Variants in ANKRD44 observed in about 807,000 individuals in gnomAD.
ANKRD44 encodes serine/threonine-protein phosphatase 6 regulatory ankyrin repeat subunit B.
ANKRD44 carries 35 observed loss-of-function variants against 116.0 expected under a neutral mutation model. That is an observed-to-expected ratio of 0.30 (90% CI 0.23 to 0.40). The LOEUF (loss-of-function observed/expected upper bound fraction) is 0.40. Among genes scored for constraint, ANKRD44 ranks in the 10% least tolerant of loss-of-function variants. The pLI is 1.00. For missense variants in ANKRD44, 1,014 were observed against 1,242.6 expected (o/e 0.82, Z 2.77); for synonymous variants, 435 against 461.8 (o/e 0.94, Z 0.74).
intron 16 of ANKRD44, among the ~76,000 whole-genome samples, chr2:197,033,402 G>C (rs2076745167): frequency 6.6e-6 from 1 of 152,160 alleles, no homozygotes; most frequent in Non-Finnish European, 1.5e-5. Context: ...AAGTTAGTAA[G>C]CATTTGCTAC....
Position 197,215,407 on chromosome 2 carries a change from G to A in ANKRD44, c.28-28301C>T, listed in dbSNP as rs1403869491. The stretch of plus-strand genomic sequence containing the variant: ...GCTTCAGAAACCAAAGGTTTTGGCC[G>A]CATGAGGTTCTCTCAGTGCAGGGGG... On this transcript the variant is annotated intron_variant, in intron 1 of 27. Transcript: ENST00000282272. 5.9e-5 allele frequency among the ~76,000 whole-genome samples: 9 copies of A among 152,256 alleles called. No individual in the cohort carries two copies. In the East Asian group the frequency reaches 1.5e-3, roughly 26 times the overall value.
intron 16 of ANKRD44, among the ~76,000 whole-genome samples, chr2:197,049,721 A>T (rs2077070385): frequency 1.3e-5 from 2 of 151,878 alleles, no homozygotes; most frequent in South Asian, 4.2e-4. Flanking sequence ...GACTGAAGTG[A>T]CCCTCCAGTC....
rs765345992 is a variant in ANKRD44, at chr2:197,013,705, T to C, written c.1730A>G (p.Asn577Ser). 4 of 1,612,556 alleles carry C rather than the reference T, an allele frequency of 2.5e-6. No homozygotes were observed. The highest frequency in any genetic ancestry group is 3.4e-6 in the Non-Finnish European group (4 of 1,180,026). ...TKSPLHLAAY[N>S]GHHQALEVLL... The stretch of plus-strand genomic sequence containing the variant: ...GACTTCCAAGGCTTGATGGTGCCCA[T>C]TGTAGGCCTGCAAAGAAGAAACCAA... Residue 577 changes from asparagine to serine, a missense_variant, in exon 18 of 28, where the codon AAT (asparagine) becomes AGT (serine). Asn to Ser is a conservative substitution (Grantham distance 46). Transcript: ENST00000282272.
At chr2:197,250,904 A>G (rs1048001343) in intron 1 of ANKRD44, 2 of 152,110 alleles carry the variant, frequency 1.3e-5, no homozygotes, top group African/African-American at 4.8e-5. Flanking sequence ...TAGTTAAAGG[A>G]TGGTAAGTTA....
chr2:196,991,439 T>C (rs1441064941), intron 27 of ANKRD44, among the ~76,000 whole-genome samples: 3 of 152,208 alleles, frequency 2.0e-5, no homozygotes, highest in African/African-American at 4.8e-5. Context: ...AAGTGAGTAA[T>C]GAAGTTTTGT....
chr2:197,116,271 A>G (rs1260750529), intron 8 of ANKRD44, among the ~76,000 whole-genome samples: 1 of 152,244 alleles, frequency 6.6e-6, no homozygotes, highest in East Asian at 1.9e-4. Flanking sequence ...AATGAAGTGC[A>G]TCAGACAACT....
chr2:196,979,655 C>A (rs1441111838), intron 21 of ANKRD44, among the ~76,000 whole-genome samples: 2 of 148,582 alleles, frequency 1.3e-5, no homozygotes, highest in East Asian at 4.0e-4. Context: ...ACTCTGCCTC[C>A]CAATTCAAGT....
At chr2:197,197,473 A>G (rs1013925342) in intron 1 of ANKRD44, among the ~76,000 whole-genome samples, 1 of 152,228 alleles carries the variant, frequency 6.6e-6, no homozygotes, top group Admixed American at 6.5e-5. Flanking sequence ...ATTCAATTCA[A>G]CAAAGATGTA....
chr2:197,220,076 T>C (rs1399860145), intron 1 of ANKRD44, among the ~76,000 whole-genome samples: 4 of 152,222 alleles, frequency 2.6e-5, no homozygotes, highest in African/African-American at 2.4e-5. Context: ...GCAAATTACT[T>C]TGAAAGTAAT....
At chr2:197,081,984 G>A (rs2125139223) in intron 14 of ANKRD44, among the ~76,000 whole-genome samples, 1 of 152,206 alleles carries the variant, frequency 6.6e-6, no homozygotes, top group East Asian at 1.9e-4. Context: ...CAATCAAGTT[G>A]CCCACCCTTC....
chr2:197,284,503 AACACACACACAC>A (rs10547024), intron 1 of ANKRD44, among the ~76,000 whole-genome samples: 21,883 of 137,788 alleles, frequency 0.16, 1,771 homozygotes, highest in Middle Eastern at 0.28. Flanking sequence ...CAGAGAGTCA[AACACACACACAC>A]ACACACACAC....
chr2:197,163,658 A>G (rs1336449951), intron 2 of ANKRD44, among the ~76,000 whole-genome samples: 1 of 151,994 alleles, frequency 6.6e-6, no homozygotes, highest in Non-Finnish European at 1.5e-5. Flanking sequence ...GGGAGGGAGG[A>G]CTGGGGAGCA....
At chr2:196,983,379 C>T (rs1277117808), downstream of ANKRD44, among the ~76,000 whole-genome samples, 1 of 152,130 alleles carries the variant, frequency 6.6e-6, no homozygotes, top group Non-Finnish European at 1.5e-5. Flanking sequence ...CTTGAGTCTC[C>T]AGCCACACTG....
At chr2:197,161,142 C>G (rs1429326040) in intron 2 of ANKRD44, among the ~76,000 whole-genome samples, 1 of 152,116 alleles carries the variant, frequency 6.6e-6, no homozygotes, top group Admixed American at 6.5e-5. Context: ...GAGGCTAGAC[C>G]TCAAAATGGC....
chr2:197,045,841 T>A (rs1405969209), intron 16 of ANKRD44, among the ~76,000 whole-genome samples: 1 of 152,144 alleles, frequency 6.6e-6, no homozygotes, highest in East Asian at 1.9e-4. Flanking sequence ...TCAATAAATT[T>A]GTTTTGATGC....
At chr2:197,032,959 T>C (rs1388060781) in intron 16 of ANKRD44, among the ~76,000 whole-genome samples, 3 of 152,228 alleles carry the variant, frequency 2.0e-5, no homozygotes, top group Non-Finnish European at 4.4e-5. Flanking sequence ...AAGATCAAAG[T>C]AGAGAGAGAT....
intron 5 of ANKRD44, 146 bp from the exon 6 acceptor site, chr2:197,125,614 C>T (rs2078957652): frequency 1.1e-6 from 1 of 883,876 alleles, no homozygotes; most frequent in Non-Finnish European, 1.8e-6. Flanking sequence ...AATATGATGT[C>T]AGAGCAGGAC....
At chr2:197,264,966 A>C (rs1324547703) in intron 1 of ANKRD44, among the ~76,000 whole-genome samples, 2 of 152,184 alleles carry the variant, frequency 1.3e-5, no homozygotes, top group African/African-American at 4.8e-5. Context: ...ATTGCCATTT[A>C]CAAAATAAAA....
intron 18 of ANKRD44, among the ~76,000 whole-genome samples, chr2:197,010,266 C>T (rs373216043): frequency 4.0e-4 from 61 of 152,214 alleles, no homozygotes; most frequent in South Asian, 1.0e-3. Flanking sequence ...ACGCTCCATC[C>T]GCTCACTGTT....
Sources: gnomAD v4.1 joint callset for allele counts (sites outside exome capture counted in the v4.1 genomes callset) on GRCh38, gnomAD v4.1.1 for gene constraint, MANE v1.5 for transcripts, NCBI Gene and HGNC (gene_info 2026-07-23, HGNC 2026-07-21) for gene names.